The following MAP4K4 variants were observed in gnomAD, a reference collection of about 807,000 sequenced individuals.
MAP4K4 encodes HPK/GCK-like kinase HGK.
A neutral mutation model predicts 189.6 loss-of-function variants in MAP4K4; 38 were observed. The ratio of observed to expected loss-of-function variants is 0.20; its 90% CI spans 0.15 to 0.26. MAP4K4 has a LOEUF of 0.26. Ranked by LOEUF, MAP4K4 falls within the 10% of genes least tolerant of loss-of-function variation. The pLI, the probability that MAP4K4 is intolerant of heterozygous loss-of-function variation, is 1.00. For missense variants in MAP4K4, 1,054 were observed against 1,726.9 expected, an observed-to-expected ratio of 0.61 and a Z score of 6.91; for synonymous variants, 610 against 624.3, an observed-to-expected ratio of 0.98 and a Z score of 0.34.
exon 20 of MAP4K4, chr2:101,867,282 G>C: frequency 6.2e-7 from 1 of 1,607,524 alleles, no homozygotes; most frequent in Non-Finnish European, 8.5e-7. Flanking sequence ...AAGATAAAAA[G>C]GAAGTTTTCA....
intron 2 of MAP4K4, among the ~76,000 whole-genome samples, chr2:101,725,387 CAA>C (rs547130880): frequency 9.0e-6 from 1 of 110,980 alleles, no homozygotes. Flanking sequence ...AAAAGATAAG[CAA>C]AAAAAAAAAA....
intron 11 of MAP4K4, among the ~76,000 whole-genome samples, chr2:101,843,300 A>G (rs1055247289): frequency 6.6e-6 from 1 of 152,192 alleles, no homozygotes; most frequent in Non-Finnish European, 1.5e-5. Flanking sequence ...AGGGCATCTC[A>G]AGTGACCTGT....
rs1255662073 is a variant in MAP4K4 at position 101,831,590 on chromosome 2, G to A, written c.509-131G>A. The stretch of plus-strand genomic sequence containing the variant: ...GACCAGTGGTGCCTGCCTTGAGCAG[G>A]ATCGCATATTCATGAAGCACTGCTG... On this transcript the variant is annotated intron_variant, in intron 6 of 32. Transcript: ENST00000324219. 4.1e-6 allele frequency: 4 copies of A among 972,428 alleles called. No individual in the cohort carries two copies. The African/African-American group carries it at 6.5e-5, about 16-fold the overall frequency. 60.2% of individuals were successfully genotyped at this position (972,428 alleles called of 1,614,324 possible).
intron 2 of MAP4K4, among the ~76,000 whole-genome samples, chr2:101,766,065 T>C (rs1198376116): frequency 2.0e-5 from 3 of 152,244 alleles, no homozygotes; most frequent in Admixed American, 6.5e-5. Context: ...CCTGGCTGTC[T>C]CACAGACCCA....
exon 13 of MAP4K4, chr2:101,856,037 C>G (rs2097442250): frequency 2.6e-6 from 4 of 1,551,342 alleles, no homozygotes; most frequent in African/African-American, 1.4e-5. Flanking sequence ...AAGGAGAGAA[C>G]AAGAAGAAAA....
chr2:101,759,792 C>T (rs1225787900), intron 2 of MAP4K4, among the ~76,000 whole-genome samples: 1 of 105,212 alleles, frequency 9.5e-6, no homozygotes, highest in Non-Finnish European at 1.9e-5. Context: ...CCCCTCCCTT[C>T]TCCCTTCCCT....
At chr2:101,729,256 CTT>C (rs386390768) in intron 2 of MAP4K4, among the ~76,000 whole-genome samples, 7 of 151,536 alleles carry the variant, frequency 4.6e-5, no homozygotes, top group Non-Finnish European at 8.8e-5. Context: ...CTTACAGTCT[CTT>C]TTATTTTTGC....
At chr2:101,856,197 T>A in intron 13 of MAP4K4, 59 bp downstream of exon 13, 1 of 1,510,578 alleles carries the variant, frequency 6.6e-7, no homozygotes, top group Non-Finnish European at 8.9e-7. Context: ...TTTGCAGAGC[T>A]GGGGGATTTT....
intron 3 of MAP4K4, chr2:101,797,283 T>C (rs1196741525): frequency 7.7e-7 from 1 of 1,290,704 alleles, no homozygotes; most frequent in Non-Finnish European, 1.0e-6. Flanking sequence ...GCCTTACAGC[T>C]TCGTACTGGC....
chr2:101,761,499 TTC>T (rs1163417604), intron 2 of MAP4K4, among the ~76,000 whole-genome samples: 2 of 152,002 alleles, frequency 1.3e-5, no homozygotes, highest in Non-Finnish European at 2.9e-5. Context: ...GCCTTCAGGA[TTC>T]TCTCACTTTA....
At chr2:101,745,045 G>A (rs2064629440) in intron 2 of MAP4K4, among the ~76,000 whole-genome samples, 1 of 152,162 alleles carries the variant, frequency 6.6e-6, no homozygotes, top group African/African-American at 2.4e-5. Context: ...CTTACTGGAT[G>A]AGTAGCTAGT....
chr2:101,760,589 G>T (rs1383067484), intron 2 of MAP4K4, among the ~76,000 whole-genome samples: 1 of 148,514 alleles, frequency 6.7e-6, no homozygotes, highest in Non-Finnish European at 1.5e-5. Flanking sequence ...CACTATTTTG[G>T]TTCTTAAAGT....
At chr2:101,774,791 C>G (rs2083159743) in intron 2 of MAP4K4, among the ~76,000 whole-genome samples, 2 of 152,124 alleles carry the variant, frequency 1.3e-5, no homozygotes, top group African/African-American at 4.8e-5. Context: ...CCAAAAGCCC[C>G]TCTCATGCAG....
At chr2:101,869,636 G>T (rs754040325) in exon 22 of MAP4K4, 1 of 1,610,070 alleles carries the variant, frequency 6.2e-7, no homozygotes, top group Admixed American at 1.7e-5. Flanking sequence ...TGACCGCACT[G>T]GCCAAAGAGC....
intron 2 of MAP4K4, among the ~76,000 whole-genome samples, chr2:101,720,081 T>G (rs180875890): frequency 2.0e-5 from 3 of 151,942 alleles, no homozygotes; most frequent in African/African-American, 7.2e-5. Context: ...AAAATGCTGT[T>G]GAGAAAGAAA....
At chr2:101,797,346 CT>C in intron 3 of MAP4K4, 1 of 1,290,852 alleles carries the variant, frequency 7.7e-7, no homozygotes, top group Non-Finnish European at 1.0e-6. Flanking sequence ...TTGCATGACT[CT>C]GGCAGACTTA....
chr2:101,797,164 T>C lies in MAP4K4; in HGVS notation c.180+6388T>C, dbSNP rs543183691. The C allele has an allele frequency of 1.9e-5, 22 of 1,184,480 alleles. No homozygotes were observed. In the African/African-American group the frequency reaches 3.3e-4, roughly 18 times the overall value. The allele number at this position is 1,184,480 out of a possible 1,614,324, so 73.4% of individuals were successfully genotyped here. ...GCACAATGTAATGAATGTGTTGTTC[T>C]TGTCTAGACTGAAAATAAGAACAAA... On this transcript the variant is annotated intron_variant, in intron 3 of 32. Coordinates refer to ENST00000324219, the Ensembl canonical transcript of MAP4K4.
intron 2 of MAP4K4, among the ~76,000 whole-genome samples, chr2:101,727,034 A>G (rs2055817122): frequency 6.6e-6 from 1 of 152,124 alleles, no homozygotes; most frequent in Non-Finnish European, 1.5e-5. Context: ...CACTCCCATG[A>G]TAACCTATTA....
chr2:101,742,530 CAG>C (rs34837579), intron 2 of MAP4K4, among the ~76,000 whole-genome samples: 79,184 of 151,892 alleles, frequency 0.52, 23,051 homozygotes, highest in East Asian at 0.71. Context: ...AAATGTGTGC[CAG>C]AGAGTGAAGC....
Sources: gnomAD v4.1 joint callset for allele counts (sites outside exome capture counted in the v4.1 genomes callset) on GRCh38, gnomAD v4.1.1 for gene constraint, MANE v1.5 for transcripts, NCBI Gene and HGNC (gene_info 2026-07-23, HGNC 2026-07-21) for gene names.